Variants in PTBP1 observed in about 807,000 individuals in gnomAD.
PTBP1 encodes polypyrimidine tract-binding protein 1.
PTBP1 carries 8 observed loss-of-function variants against 59.8 expected under a neutral mutation model. That is an observed-to-expected ratio of 0.13 (90% CI 0.08 to 0.24). The LOEUF is 0.24. Among genes scored for constraint, PTBP1 ranks in the 10% least tolerant of loss-of-function variants. PTBP1 has a pLI of 1.00. For missense variants in PTBP1, 686 were observed against 767.0 expected (o/e 0.89, Z 1.25); for synonymous variants, 490 against 320.7 (o/e 1.53, Z -5.64).
chr19:810,430 G>T (rs2034805105), intron 13 of PTBP1, 113 bp from the exon 14 acceptor site: 34 of 811,644 alleles, frequency 4.2e-5, no homozygotes, highest in Non-Finnish European at 6.7e-5. Flanking sequence ...CTCCTAAAAG[G>T]CCCTACGCCT....
chr19:808,921 G>A lies in PTBP1; in HGVS notation c.1463+159G>A, dbSNP rs548061807. Reference sequence around the variant, plus strand: ...TACTGCAAGGCCTGGAGCTTGAGCCGAGGGCTGCTCAAGGGAGGGGGTCGT... The same window carrying A: ...TACTGCAAGGCCTGGAGCTTGAGCCAAGGGCTGCTCAAGGGAGGGGGTCGT... On this transcript the variant is annotated intron_variant, in intron 13 of 14. Transcript: ENST00000356948. This position sits in a 1 kb window ranked among gnomAD's most constrained non-coding sequence, Gnocchi z 4.7. Among the ~76,000 whole-genome samples, 2 of 152,312 alleles carry A rather than the reference G, an allele frequency of 1.3e-5. No homozygotes were observed. Among genetic ancestry groups the A allele is most frequent in the East Asian group, 1.9e-4 (1 of 5,176 alleles).
In PTBP1 at chr19:806,442, C is replaced by G. The variant is rs1363707148; in HGVS notation, c.1005C>G (p.Ala335=). The change falls in exon 10 of 15, where the codon GCC becomes GCG. Residue 335 remains alanine (A), a synonymous_variant. Transcript: ENST00000356948. ...TTCCGAACGTCCACGGCGCCCTGGC[C>G]CCCCTGGCCATCCCCTCGGCGGCGG... ...LSVPNVHGAL[A]PLAIPSAAAA... 2 of 1,601,876 alleles carry G rather than the reference C, an allele frequency of 1.2e-6. No homozygotes were observed. The highest frequency in any genetic ancestry group is 1.7e-6 in the Non-Finnish European group (2 of 1,174,482).
chr19:809,854 T>C (rs956009189), intron 13 of PTBP1, among the ~76,000 whole-genome samples: 3 of 152,124 alleles, frequency 2.0e-5, no homozygotes, highest in Non-Finnish European at 4.4e-5. Flanking sequence ...TGAGCTGTGA[T>C]TGCACTGCCA....
At chr19:804,733 T>G in intron 6 of PTBP1, 31 bp downstream of exon 6, 9 of 1,609,724 alleles carry the variant, frequency 5.6e-6, no homozygotes, top group Non-Finnish European at 7.6e-6. Context: ...CCAGGGCAGG[T>G]CGGCTGCTAT....
rs1168920945 is a variant in PTBP1, at chr19:808,612, A to G, written c.1313A>G (p.Gln438Arg). The change falls in exon 13 of 15, where the codon CAG (glutamine) becomes CGG (arginine). Residue 438 changes from glutamine to arginine, a missense_variant. Gln to Arg is a conservative substitution (Grantham distance 43, BLOSUM62 1). Coordinates refer to ENST00000356948, the MANE Select transcript of PTBP1 (RefSeq NM_002819.5). The surrounding 1 kb of genome is among the most constrained non-coding windows in gnomAD (Gnocchi z 4.7). The part of the protein sequence containing the change: ...KPIRITLSKH[Q>R]NVQLPREGQE... The stretch of plus-strand genomic sequence containing the variant: ...ATCCGCATCACGCTCTCGAAGCACC[A>G]GAACGTGCAGCTGCCCCGCGAGGGC... 1 of 1,610,046 alleles carries G rather than the reference A, an allele frequency of 6.2e-7. No homozygotes were observed. Among genetic ancestry groups the G allele is most frequent in the East Asian group, 2.2e-5 (1 of 44,784 alleles).
Position 806,416 on chromosome 19 carries a change from G to A in PTBP1, c.979G>A (p.Val327Ile), listed in dbSNP as rs199877458. 2 of 1,602,120 alleles carry A rather than the reference G, an allele frequency of 1.2e-6. No individual in the cohort carries two copies. Among genetic ancestry groups the A allele is most frequent in the South Asian group, 1.1e-5 (1 of 90,438 alleles). Residue 327 changes from valine to isoleucine, a missense_variant, in exon 10 of 15, where the codon GTT (valine) becomes ATT (isoleucine). Transcript: ENST00000356948. ...FAIPQAAGLS[V>I]PNVHGALAPL... The stretch of plus-strand genomic sequence containing the variant: ...ACCTCCTGCTTTTCCAGGCCTTTCC[G>A]TTCCGAACGTCCACGGCGCCCTGGC...
Position 811,297 on chromosome 19 carries a change from C to G in PTBP1, c.*471C>G, listed in dbSNP as rs996510584. 6.5e-6 allele frequency: 1 copy of G among 152,818 alleles called. No individual in the cohort carries two copies. Among genetic ancestry groups the G allele is most frequent in the Non-Finnish European group, 1.5e-5 (1 of 68,468 alleles). The allele number at this position is 152,818 out of a possible 1,614,324, so 9.5% of individuals were successfully genotyped here. On this transcript the variant is annotated 3_prime_UTR_variant, in exon 15 of 15. Transcript: ENST00000356948. The stretch of plus-strand genomic sequence containing the variant: ...TCATGCAGCTGGGGCGCGGCGGCCG[C>G]GGCTGCGACACCCCAACCCCAGCCC...
intron 2 of PTBP1, among the ~76,000 whole-genome samples, chr19:801,186 A>AGTTTTCTGTGTGCGTTT (rs2034316350): frequency 6.6e-6 from 1 of 152,122 alleles, no homozygotes; most frequent in African/African-American, 2.4e-5. Context: ...TTTCCTGTCA[A>AGTTTTCTGTGTGCGTTT]TCTGTGTGCT....
intron 10 of PTBP1, 28 bp downstream of exon 10, chr19:806,584 G>A (rs1404636630): frequency 4.8e-6 from 7 of 1,471,696 alleles, no homozygotes; most frequent in South Asian, 2.8e-5. Context: ...CCGCGCCGCC[G>A]TTCCTCCCGG....
At position 808,324 on chromosome 19, in the gene PTBP1, G is replaced by A. The variant is rs1348128893; in HGVS notation, c.1154-36G>A. ...GACGGGGAGATGGGCGGGGCAGGCA[G>A]CAGGAGACTCAGGCCCCATCCCTGG... On this transcript the variant is annotated intron_variant, in intron 11 of 14. Coordinates refer to ENST00000356948, the MANE Select transcript of PTBP1 (RefSeq NM_002819.5). This position sits in a 1 kb window ranked among gnomAD's most constrained non-coding sequence, Gnocchi z 4.7. The A allele has an allele frequency of 7.9e-6, 12 of 1,511,208 alleles. No homozygotes were observed. The highest frequency in any genetic ancestry group is 1.1e-5 in the Non-Finnish European group (12 of 1,107,204). 93.6% of individuals were successfully genotyped at this position (1,511,208 alleles called of 1,614,324 possible). A position where few individuals can be genotyped will look rare whatever the true frequency, so the allele number is the denominator to read the frequency against.
chr19:808,111 C>G lies in PTBP1; in HGVS notation c.1153+209C>G. The stretch of plus-strand genomic sequence containing the variant: ...GCCCTGCATGCTTTTCAGAGTTAGA[C>G]CTGTCGGTGGCATATGCCACCGTGG... On this transcript the variant is annotated intron_variant, in intron 11 of 14. Coordinates refer to ENST00000356948, the MANE Select transcript of PTBP1 (RefSeq NM_002819.5). This position sits in a 1 kb window ranked among gnomAD's most constrained non-coding sequence, Gnocchi z 4.7. 1.6e-6 allele frequency: 1 copy of G among 637,210 alleles called. No homozygotes were observed. Among genetic ancestry groups the G allele is most frequent in the Non-Finnish European group, 2.8e-6 (1 of 357,116 alleles). The allele number at this position is 637,210 out of a possible 1,614,324, so 39.5% of individuals were successfully genotyped here. A position where few individuals can be genotyped will look rare whatever the true frequency, so the allele number is the denominator to read the frequency against.
intron 1 of PTBP1, 25 bp from the exon 2 acceptor site, chr19:799,386 CGT>C (rs758714097): frequency 1.2e-6 from 2 of 1,612,864 alleles, no homozygotes; most frequent in East Asian, 4.5e-5. Flanking sequence ...ACCAGGCTAA[CGT>C]TGTCTCCTTT....
chr19:808,465 G>A lies in PTBP1; in HGVS notation c.1246+13G>A. The A allele has an allele frequency of 6.3e-7, 1 of 1,584,346 alleles. No homozygotes were observed. The highest frequency in any genetic ancestry group is 8.6e-7 in the Non-Finnish European group (1 of 1,166,724). On this transcript the variant is annotated intron_variant, in intron 12 of 14. Transcript: ENST00000356948. This position sits in a 1 kb window ranked among gnomAD's most constrained non-coding sequence, Gnocchi z 4.7. Reference sequence around the variant, plus strand: ...CAGGCCCAGCTGGGTAAGAGGCCGGGGCGGCCCCGGGGTGGAGGGGGCAGG... The same window carrying A: ...CAGGCCCAGCTGGGTAAGAGGCCGGAGCGGCCCCGGGGTGGAGGGGGCAGG...
chr19:805,257 G>T, intron 8 of PTBP1, 70 bp downstream of exon 8: 6 of 1,550,566 alleles, frequency 3.9e-6, no homozygotes, highest in Non-Finnish European at 5.3e-6. Flanking sequence ...CGGAGCCCCG[G>T]CGGCACGGGC....
chr19:807,433 C>T (rs1159846068), intron 10 of PTBP1: 7 of 168,232 alleles, frequency 4.2e-5, no homozygotes, highest in Non-Finnish European at 7.6e-5. Flanking sequence ...CTTCTCTTAC[C>T]GTGTGCCCGT....
In PTBP1 at chr19:810,942, G is replaced by C; in HGVS notation, c.*116G>C. The C allele has an allele frequency of 8.9e-7, 1 of 1,127,238 alleles. No homozygotes were observed. The allele number at this position is 1,127,238 out of a possible 1,614,324, so 69.8% of individuals were successfully genotyped here. ...AGACCAGAGATTTTATTTTTTTAAA[G>C]AGAAATCAGTTTACCTGTTTTTAAA... is the stretch of plus-strand genomic sequence containing the variant. On this transcript the variant is annotated 3_prime_UTR_variant, in exon 15 of 15. Transcript: ENST00000356948.
Position 808,531 on chromosome 19 carries a change from G to A in PTBP1, c.1247-15G>A, listed in dbSNP as rs376670485. 1.3e-6 allele frequency: 2 copies of A among 1,574,196 alleles called. No homozygotes were observed. The highest frequency in any genetic ancestry group is 1.7e-6 in the Non-Finnish European group (2 of 1,162,472). On this transcript the variant is annotated splice_polypyrimidine_tract_variant and intron_variant, in intron 12 of 14. Coordinates refer to ENST00000356948, the MANE Select transcript of PTBP1 (RefSeq NM_002819.5). This position sits in a 1 kb window ranked among gnomAD's most constrained non-coding sequence, Gnocchi z 4.7. ...CCCTCTCGGGCGCCTGGTCACGCGGGTGCTGCTCCCCCAGCCATGAGCCAC... is the reference window on the plus strand; with the variant it reads ...CCCTCTCGGGCGCCTGGTCACGCGGATGCTGCTCCCCCAGCCATGAGCCAC...
At chr19:801,779 CTG>C (rs1599221667) in intron 2 of PTBP1, among the ~76,000 whole-genome samples, 1 of 152,210 alleles carries the variant, frequency 6.6e-6, no homozygotes, top group Non-Finnish European at 1.5e-5. Context: ...CCTGGCACTG[CTG>C]TGTTTTCTGA....
At position 805,180 on chromosome 19, in the gene PTBP1, G is replaced by C; in HGVS notation, c.885G>C (p.Ala295=). 1 of 1,613,342 alleles carries C rather than the reference G, an allele frequency of 6.2e-7. No homozygotes were observed. Among genetic ancestry groups the C allele is most frequent in the South Asian group, 1.1e-5 (1 of 91,080 alleles). The change falls in exon 8 of 15, where the codon GCG becomes GCC. Residue 295 remains alanine, a synonymous_variant. Coordinates refer to ENST00000356948, the MANE Select transcript of PTBP1 (RefSeq NM_002819.5). The stretch of plus-strand genomic sequence containing the variant: ...CCTCGCTGGACCAGACCATGGCCGC[G>C]GCCTTCGGTAAGAGGCTGCCCGACG... ...SQPSLDQTMA[A]AFGAPGIISA...
Sources: gnomAD v4.1 joint callset for allele counts (sites outside exome capture counted in the v4.1 genomes callset) on GRCh38, gnomAD v4.1.1 for gene constraint, Gnocchi (gnomAD v3.1) non-coding constraint, MANE v1.5 for transcripts, NCBI Gene and HGNC (gene_info 2026-07-23, HGNC 2026-07-21) for gene names.